Variants in RPL31 observed in about 807,000 individuals in gnomAD.
RPL31 encodes large ribosomal subunit protein eL31.
For synonymous variants in RPL31, 51 were observed against 55.0 expected, an observed-to-expected ratio of 0.93 and a Z score of 0.32; for missense variants, 95 against 164.0, an observed-to-expected ratio of 0.58 and a Z score of 2.30.
chr2:101,007,534 A>G (rs1678816663), downstream of RPL31: 5 of 387,610 alleles, frequency 1.3e-5, no homozygotes, highest in Non-Finnish European at 2.3e-5. Flanking sequence ...TCTGAGAGCA[A>G]AATCAACACT....
chr2:101,007,880 G>A (rs770633531), downstream of RPL31: 6 of 1,613,912 alleles, frequency 3.7e-6, no homozygotes, highest in Non-Finnish European at 5.1e-6. Context: ...AAAGTTTTGA[G>A]ATTGTACTGA....
intron 4 of RPL31, chr2:101,018,340 G>C (rs983681126): frequency 1.3e-5 from 2 of 155,156 alleles, no homozygotes; most frequent in African/African-American, 2.4e-5. Flanking sequence ...AGTTCATTCA[G>C]GTTTTCAACG....
chr2:101,018,147 T>C, intron 4 of RPL31: 1 of 508,108 alleles, frequency 2.0e-6, no homozygotes, highest in Non-Finnish European at 3.6e-6. Context: ...CTTTCCCTCA[T>C]TCATACAGAT....
chr2:101,010,338 A>G (rs1178426164), downstream of RPL31, among the ~76,000 whole-genome samples: 2 of 152,192 alleles, frequency 1.3e-5, no homozygotes, highest in African/African-American at 4.8e-5. Context: ...CTGTATCCAC[A>G]GTGGCCCCAA....
chr2:101,011,433 A>G (rs1179824738), downstream of RPL31: 11 of 1,613,648 alleles, frequency 6.8e-6, no homozygotes, highest in South Asian at 1.1e-5. Flanking sequence ...GAAAGCAACA[A>G]TGAAAAGAGG....
downstream of RPL31, chr2:101,011,421 G>A (rs1679202817): frequency 1.2e-5 from 19 of 1,605,904 alleles, no homozygotes; most frequent in Non-Finnish European, 1.6e-5. Flanking sequence ...TGGTATGCAG[G>A]GGAAAGCAAC....
At chr2:101,007,790 G>GACTC (rs1192735324), downstream of RPL31, 1 of 1,595,912 alleles carries the variant, frequency 6.3e-7, no homozygotes, top group Non-Finnish European at 8.6e-7. Context: ...TGGTATGGTG[G>GACTC]ACTCCAGTGT....
chr2:101,010,924 C>T (rs1475712173), downstream of RPL31: 2 of 1,608,842 alleles, frequency 1.2e-6, no homozygotes, highest in East Asian at 2.2e-5. Flanking sequence ...GAAGAAAGTC[C>T]ATACCTGGCT....
intron 4 of RPL31, among the ~76,000 whole-genome samples, chr2:101,017,030 C>T (rs1679701648): frequency 6.6e-6 from 1 of 150,610 alleles, no homozygotes; most frequent in Non-Finnish European, 1.5e-5. Context: ...ACATATGTAA[C>T]TAACCTGCAC....
In RPL31 at chr2:101,003,985, C is replaced by T. The variant is rs571886921; in HGVS notation, c.108-173C>T. ...GGACATACCATCTACAGTAAGTCTTCACTGAGCTTTAAGCACACTGGCCTA... is the reference window on the plus strand; with the variant it reads ...GGACATACCATCTACAGTAAGTCTTTACTGAGCTTTAAGCACACTGGCCTA... On this transcript the variant is annotated intron_variant, in intron 2 of 4. Transcript: ENST00000264258. Among the ~76,000 whole-genome samples the T allele has an allele frequency of 2.6e-5, 4 of 152,302 alleles. No individual in the cohort carries two copies. The South Asian group carries it at 8.3e-4, about 32-fold the overall frequency.
At chr2:101,009,279 G>A (rs376476505), downstream of RPL31, among the ~76,000 whole-genome samples, 57 of 151,996 alleles carry the variant, frequency 3.8e-4, 1 homozygote, top group East Asian at 0.01. Flanking sequence ...GGTGGCGGGC[G>A]CCTGTAGTCC....
chr2:101,008,383 A>G (rs765843937), downstream of RPL31: 3 of 867,812 alleles, frequency 3.5e-6, no homozygotes, highest in Non-Finnish European at 5.1e-6. Context: ...TTTTGAAGAC[A>G]CAGAATATAA....
downstream of RPL31, chr2:101,011,294 A>G (rs1679189977): frequency 2.5e-6 from 2 of 786,048 alleles, no homozygotes; most frequent in African/African-American, 1.7e-5. Context: ...CCCCACTAGG[A>G]GCACTTCTGT....
chr2:101,014,926 C>G (rs34421080), intron 4 of RPL31, among the ~76,000 whole-genome samples: 28,512 of 152,122 alleles, frequency 0.19, 2,881 homozygotes, highest in Middle Eastern at 0.32. Context: ...TTCCATAATG[C>G]TTGTAAGGTT....
At chr2:101,017,777 A>C (rs1679763415) in intron 4 of RPL31, 1 of 1,490,902 alleles carries the variant, frequency 6.7e-7, no homozygotes, top group Admixed American at 2.0e-5. Context: ...TGTTACCAAA[A>C]TCTTGACAAG....
Position 101,005,822 on chromosome 2 carries a change from A to C in RPL31, c.234-137A>C, listed in dbSNP as rs944373848. ...GGGGGTTATGTTTCATTTTCCAGGG[A>C]ACTGTAAGTTCTAGGTTGGTCAGAG... On this transcript the variant is annotated intron_variant, in intron 3 of 4. Transcript: ENST00000264258. 2.6e-5 allele frequency: 18 copies of C among 680,542 alleles called. No individual in the cohort carries two copies. In the African/African-American group the frequency reaches 3.3e-4, roughly 12 times the overall value. The allele number at this position is 680,542 out of a possible 1,614,324, so 42.2% of individuals were successfully genotyped here. A position where few individuals can be genotyped will look rare whatever the true frequency, so the allele number is the denominator to read the frequency against.
Position 101,006,984 on chromosome 2 carries a change from TC to T in RPL31, c.*604del, listed in dbSNP as rs1678770512. The T allele has an allele frequency of 6.6e-6, 1 of 152,288 alleles. No individual in the cohort carries two copies. Among genetic ancestry groups the T allele is most frequent in the South Asian group, 2.1e-4 (1 of 4,836 alleles). The allele number at this position is 152,288 out of a possible 1,614,324, so 9.4% of individuals were successfully genotyped here. On this transcript the variant is annotated 3_prime_UTR_variant, in exon 5 of 5. Coordinates refer to ENST00000264258, the MANE Select transcript of RPL31 (RefSeq NM_000993.5). ...AATAACAAAAATTTGTATTAATAGT[TC>T]AGTCCTAAAGCAGTGTTGCTGAGAT...
downstream of RPL31, chr2:101,007,861 C>CT: frequency 6.2e-7 from 1 of 1,612,274 alleles, no homozygotes; most frequent in Non-Finnish European, 8.5e-7. Context: ...TGATTGGTGG[C>CT]TCATTTCAAA....
chr2:101,015,181 T>C (rs905641751), intron 4 of RPL31, among the ~76,000 whole-genome samples: 1 of 152,112 alleles, frequency 6.6e-6, no homozygotes, highest in Non-Finnish European at 1.5e-5. Context: ...TGGAACACAA[T>C]GGTAGCTGTG....
Sources: gnomAD v4.1 joint callset for allele counts (sites outside exome capture counted in the v4.1 genomes callset) on GRCh38, gnomAD v4.1.1 for gene constraint, MANE v1.5 for transcripts, NCBI Gene and HGNC (gene_info 2026-07-23, HGNC 2026-07-21) for gene names.